The following ST18 variants were observed in gnomAD, a reference collection of about 807,000 sequenced individuals.
The protein encoded by ST18 is ST18 C2H2C-type zinc finger transcription factor, also known as suppression of tumorigenicity 18 protein.
In ST18, 50 loss-of-function variants were observed where a neutral mutation model predicts 110.0. The observed-to-expected ratio is 0.45, with a 90% CI of 0.36 to 0.58. The LOEUF is 0.58. ST18 is among the 20% of genes least tolerant of loss of function. The probability of loss-of-function intolerance (pLI) is 0.00; values close to 1 mark genes in which losing one functional copy is unlikely to be tolerated. For missense variants in ST18, 1,306 were observed against 1,280.1 expected, an observed-to-expected ratio of 1.02 and a Z score of -0.31; for synonymous variants, 461 against 452.4, an observed-to-expected ratio of 1.02 and a Z score of -0.24.
chr8:52,383,412 G>T (rs1235732867), intron 2 of ST18, among the ~76,000 whole-genome samples: 1 of 152,072 alleles, frequency 6.6e-6, no homozygotes, highest in Non-Finnish European at 1.5e-5. Flanking sequence ...CCCTCACCTT[G>T]ATGACTTTTA....
At chr8:52,285,444 C>T (rs1236386154) in intron 2 of ST18, among the ~76,000 whole-genome samples, 1 of 152,174 alleles carries the variant, frequency 6.6e-6, no homozygotes, top group Admixed American at 6.5e-5. Context: ...TTGTGTTTTC[C>T]TTATCTGCTT....
chr8:52,202,954 G>A (rs2078524394), intron 8 of ST18, among the ~76,000 whole-genome samples: 1 of 152,100 alleles, frequency 6.6e-6, no homozygotes, highest in African/African-American at 2.4e-5. Flanking sequence ...AGGTAGCAAA[G>A]GAGAGTATCA....
chr8:52,360,295 C>A (rs1342360768), intron 2 of ST18, among the ~76,000 whole-genome samples: 1 of 151,998 alleles, frequency 6.6e-6, no homozygotes, highest in Non-Finnish European at 1.5e-5. Flanking sequence ...TTAGGTTGAA[C>A]TTTTTATAAG....
At chr8:52,168,372 A>T (rs2063699437) in intron 10 of ST18, among the ~76,000 whole-genome samples, 1 of 151,710 alleles carries the variant, frequency 6.6e-6, no homozygotes, top group Non-Finnish European at 1.5e-5. Flanking sequence ...CGGGGCACGA[A>T]GTCTGGCCAC....
At chr8:52,230,786 T>C (rs1475678432) in intron 2 of ST18, among the ~76,000 whole-genome samples, 3 of 149,604 alleles carry the variant, frequency 2.0e-5, no homozygotes, top group African/African-American at 7.4e-5. Context: ...CTAGTAGATA[T>C]AAAATACTGC....
At chr8:52,212,899 G>A (rs1490979406) in intron 7 of ST18, among the ~76,000 whole-genome samples, 1 of 152,186 alleles carries the variant, frequency 6.6e-6, no homozygotes, top group African/African-American at 2.4e-5. Flanking sequence ...ACAGAGTAGT[G>A]TGCTTTTAGA....
intron 15 of ST18, among the ~76,000 whole-genome samples, chr8:52,152,386 C>T (rs1020255680): frequency 1.3e-5 from 2 of 152,158 alleles, no homozygotes; most frequent in Non-Finnish European, 2.9e-5. Flanking sequence ...AGATATGCAT[C>T]CCCCACCCCC....
chr8:52,112,939 G>T lies in ST18; in HGVS notation c.*259C>A. The T allele has an allele frequency of 7.3e-6, 2 of 274,820 alleles. No homozygotes were observed. The highest frequency in any genetic ancestry group is 1.3e-5 in the Non-Finnish European group (2 of 151,188). The allele number at this position is 274,820 out of a possible 1,614,324, so 17.0% of individuals were successfully genotyped here. A position where few individuals can be genotyped will look rare whatever the true frequency, so the allele number is the denominator to read the frequency against. On this transcript the variant is annotated 3_prime_UTR_variant, in exon 26 of 26. Transcript: ENST00000689386. ...TACATATACTTTACAAAAAAAAAAA[G>T]AGTACAATGAAGAAATAAAAGAAAA... is the stretch of plus-strand genomic sequence containing the variant.
intron 2 of ST18, among the ~76,000 whole-genome samples, chr8:52,300,658 T>C (rs960771522): frequency 3.9e-5 from 6 of 152,220 alleles, no homozygotes; most frequent in Non-Finnish European, 8.8e-5. Context: ...ACATGAAAAT[T>C]ATATGAAATT....
At chr8:52,151,072 G>A (rs980633201) in intron 15 of ST18, 1 of 152,070 alleles carries the variant, frequency 6.6e-6, no homozygotes, top group African/African-American at 2.4e-5. Flanking sequence ...TTGACAATTT[G>A]GCTACTCTCT....
chr8:52,391,326 G>C (rs946587676), intron 2 of ST18, among the ~76,000 whole-genome samples: 1 of 152,142 alleles, frequency 6.6e-6, no homozygotes, highest in Non-Finnish European at 1.5e-5. Context: ...TGTGAACCCA[G>C]CCACCACCCA....
chr8:52,368,657 C>G (rs12115067), intron 2 of ST18, among the ~76,000 whole-genome samples: 1 of 152,034 alleles, frequency 6.6e-6, no homozygotes, highest in Non-Finnish European at 1.5e-5. Context: ...CCGCATGTGG[C>G]GGCCACATCA....
At chr8:52,395,540 C>G (rs1010725496) in intron 2 of ST18, among the ~76,000 whole-genome samples, 1 of 152,102 alleles carries the variant, frequency 6.6e-6, no homozygotes, top group African/African-American at 2.4e-5. Context: ...GTGCTAGAAC[C>G]ATGTCTGGTG....
intron 2 of ST18, among the ~76,000 whole-genome samples, chr8:52,383,122 C>G (rs940562926): frequency 2.6e-5 from 4 of 152,148 alleles, no homozygotes; most frequent in African/African-American, 9.7e-5. Context: ...CTTTTATGAT[C>G]TGAAACTCAA....
intron 2 of ST18, among the ~76,000 whole-genome samples, chr8:52,408,094 T>C (rs1444754370): frequency 1.3e-5 from 2 of 152,204 alleles, no homozygotes; most frequent in African/African-American, 4.8e-5. Context: ...CTAAAAAGTT[T>C]GGTTACAAAG....
intron 2 of ST18, among the ~76,000 whole-genome samples, chr8:52,330,757 C>T (rs1182098601): frequency 6.6e-6 from 1 of 152,210 alleles, no homozygotes; most frequent in Non-Finnish European, 1.5e-5. Context: ...CTTACGTGAA[C>T]ACTGTGTCTG....
intron 9 of ST18, 86 bp downstream of exon 9, chr8:52,180,036 C>T: frequency 7.4e-7 from 1 of 1,357,726 alleles, no homozygotes; most frequent in Non-Finnish European, 1.0e-6. Flanking sequence ...ACCATACAAA[C>T]CATACAAACC....
At chr8:52,398,128 C>T (rs1461262284) in intron 2 of ST18, among the ~76,000 whole-genome samples, 5 of 152,068 alleles carry the variant, frequency 3.3e-5, no homozygotes, top group Non-Finnish European at 5.9e-5. Context: ...TTACAGTTTT[C>T]AGCATACAAA....
chr8:52,300,725 C>T lies in ST18; in HGVS notation c.-464-70648G>A, dbSNP rs144392573. 3.9e-3 allele frequency among the ~76,000 whole-genome samples: 600 copies of T among 152,320 alleles called. 3 individuals carry two copies. The highest frequency in any genetic ancestry group is 0.014 in the African/African-American group (566 of 41,582). On this transcript the variant is annotated intron_variant, in intron 2 of 25. Coordinates refer to ENST00000689386, the MANE Select transcript of ST18 (RefSeq NM_001352837.2). ...GAACCCAGCCATACTCATTCATTTA[C>T]GTCCTGTCACTGGCTGCTTTCATGC...
Sources: allele counts gnomAD v4.1 joint callset (sites outside exome capture counted in the v4.1 genomes callset), GRCh38; gene constraint gnomAD v4.1.1; transcripts MANE v1.5; gene names NCBI Gene and HGNC (gene_info 2026-07-23, HGNC 2026-07-21).